DLGAP1: variants seen among roughly 807,000 people sequenced by gnomAD.
DLGAP1 encodes DLG associated protein 1.
DLGAP1 carries 11 observed loss-of-function variants against 90.8 expected under a neutral mutation model. The ratio of observed to expected loss-of-function variants is 0.12; its 90% confidence interval spans 0.08 to 0.20. The LOEUF (loss-of-function observed/expected upper bound fraction) is 0.20, where lower values mean the gene tolerates loss of function less well. Ranked by LOEUF, DLGAP1 falls within the 10% of genes least tolerant of loss-of-function variation. The pLI, the probability that DLGAP1 is intolerant of heterozygous loss-of-function variation, is 1.00. For missense variants in DLGAP1, 1,050 were observed against 1,333.8 expected (o/e 0.79, Z 3.31); for synonymous variants, 558 against 540.7 (o/e 1.03, Z -0.44).
intron 11 of DLGAP1, among the ~76,000 whole-genome samples, chr18:3,504,934 G>C (rs2050135308): frequency 6.6e-6 from 1 of 152,170 alleles, no homozygotes; most frequent in South Asian, 2.1e-4. Context: ...GGAGAGCCAA[G>C]GGAGGCTGGG....
At chr18:4,087,069 T>TATATACATATATG (rs2075695195) in intron 2 of DLGAP1, among the ~76,000 whole-genome samples, 1 of 83,276 alleles carries the variant, frequency 1.2e-5, no homozygotes, top group Non-Finnish European at 2.9e-5. Context: ...ATACACACAC[T>TATATACATATATG]TATATATACA....
rs186289170 is a variant in DLGAP1, at chr18:3,723,416, A to G, written c.1591+5719T>C. On this transcript the variant is annotated intron_variant, in intron 7 of 12. Transcript: ENST00000315677. ...CTAGGAAAGTCAGCTTGATTATTCA[A>G]TCGTCTGTGGCTTGTGCAGTTTGTG... Among the ~76,000 whole-genome samples, 63 of 152,314 alleles carry G rather than the reference A, an allele frequency of 4.1e-4. No individual in the cohort carries two copies. In the East Asian group the frequency reaches 0.01, roughly 25 times the overall value.
At chr18:3,535,277 T>A (rs1304736664) in intron 9 of DLGAP1, among the ~76,000 whole-genome samples, 3 of 152,312 alleles carry the variant, frequency 2.0e-5, no homozygotes, top group East Asian at 3.9e-4. Context: ...GCCAGTAGAA[T>A]GTGCAGCTCT....
intron 2 of DLGAP1, among the ~76,000 whole-genome samples, chr18:4,131,874 T>C (rs966741577): frequency 6.6e-6 from 1 of 152,234 alleles, no homozygotes; most frequent in African/African-American, 2.4e-5. Context: ...AAATGTTGTA[T>C]GAATGCTTCT....
At chr18:3,933,707 A>T (rs1290933051) in intron 3 of DLGAP1, among the ~76,000 whole-genome samples, 2 of 152,178 alleles carry the variant, frequency 1.3e-5, no homozygotes, top group Non-Finnish European at 2.9e-5. Context: ...GAGAAACTAA[A>T]GACATGGTGT....
intron 4 of DLGAP1, among the ~76,000 whole-genome samples, chr18:3,860,576 C>G (rs3862176): frequency 0.015 from 2,294 of 152,296 alleles, 30 homozygotes; most frequent in Middle Eastern, 0.051. Context: ...CCAGAATGAA[C>G]TTCATGGCCC....
At chr18:4,105,732 C>T (rs1317588230) in intron 2 of DLGAP1, among the ~76,000 whole-genome samples, 2 of 152,096 alleles carry the variant, frequency 1.3e-5, no homozygotes, top group African/African-American at 4.8e-5. Context: ...AAAAGGAGGC[C>T]TTAAAAGTTG....
intron 3 of DLGAP1, chr18:3,896,129 T>C (rs1387003443): frequency 6.6e-6 from 1 of 152,220 alleles, no homozygotes; most frequent in African/African-American, 2.4e-5. Context: ...TGCTTGCAAG[T>C]GTGACATGGT....
intron 1 of DLGAP1, among the ~76,000 whole-genome samples, chr18:4,170,645 C>T (rs760009542): frequency 3.3e-5 from 5 of 152,034 alleles, no homozygotes; most frequent in African/African-American, 7.3e-5. Context: ...AGAGTTACCA[C>T]GGTGTGGGAG....
intron 7 of DLGAP1, among the ~76,000 whole-genome samples, chr18:3,605,481 G>C (rs573745881): frequency 6.6e-6 from 1 of 152,288 alleles, no homozygotes; most frequent in South Asian, 2.1e-4. Context: ...AACGTTTGCT[G>C]CCTACAAACC....
At chr18:3,512,872 G>C (rs1294068239) in intron 10 of DLGAP1, among the ~76,000 whole-genome samples, 1 of 151,968 alleles carries the variant, frequency 6.6e-6, no homozygotes, top group African/African-American at 2.4e-5. Context: ...TCTTTACTGT[G>C]GTAAGAACAC....
At chr18:3,841,882 C>T (rs1040337156) in intron 4 of DLGAP1, among the ~76,000 whole-genome samples, 1 of 152,062 alleles carries the variant, frequency 6.6e-6, no homozygotes, top group Non-Finnish European at 1.5e-5. Context: ...AAGAGACCAG[C>T]TATGTTCTTT....
chr18:4,326,812 G>A (rs1598906371), intron 1 of DLGAP1, among the ~76,000 whole-genome samples: 1 of 152,162 alleles, frequency 6.6e-6, no homozygotes, highest in Non-Finnish European at 1.5e-5. Flanking sequence ...AGAACACATC[G>A]TTACTAGGAG....
At chr18:4,074,585 C>A (rs1163868872) in intron 2 of DLGAP1, among the ~76,000 whole-genome samples, 1 of 152,128 alleles carries the variant, frequency 6.6e-6, no homozygotes, top group Non-Finnish European at 1.5e-5. Context: ...CGTTCAGCCA[C>A]TTATGTCATC....
intron 7 of DLGAP1, among the ~76,000 whole-genome samples, chr18:3,652,116 A>G (rs1306832370): frequency 6.6e-6 from 1 of 150,580 alleles, no homozygotes; most frequent in East Asian, 2.0e-4. Flanking sequence ...GTGAGCCGAG[A>G]TCACAACACT....
chr18:3,689,938 T>G (rs1172420171), intron 7 of DLGAP1, among the ~76,000 whole-genome samples: 1 of 152,064 alleles, frequency 6.6e-6, no homozygotes, highest in African/African-American at 2.4e-5. Context: ...TGTTTTTAAA[T>G]TTATTTCTAG....
At chr18:3,869,444 T>C (rs2070605864) in intron 4 of DLGAP1, among the ~76,000 whole-genome samples, 1 of 152,178 alleles carries the variant, frequency 6.6e-6, no homozygotes, top group Non-Finnish European at 1.5e-5. Context: ...TAGTCCCAGC[T>C]ACGCTGAAGG....
chr18:4,214,589 T>A (rs537515790), intron 1 of DLGAP1, among the ~76,000 whole-genome samples: 45 of 152,310 alleles, frequency 3.0e-4, no homozygotes, highest in African/African-American at 1.1e-3. Context: ...AGCATTGATT[T>A]ACAGTTTGCA....
chr18:3,901,832 ATTCCCAAG>A (rs980901991), intron 3 of DLGAP1, among the ~76,000 whole-genome samples: 1 of 152,216 alleles, frequency 6.6e-6, no homozygotes, highest in Non-Finnish European at 1.5e-5. Context: ...TTAGGATATA[ATTCCCAAG>A]TGAAAATGAG....
Sources: allele counts gnomAD v4.1 joint callset (sites outside exome capture counted in the v4.1 genomes callset), GRCh38; gene constraint gnomAD v4.1.1; transcripts MANE v1.5; gene names NCBI Gene and HGNC (gene_info 2026-07-23, HGNC 2026-07-21).